BRINP3: variants seen among roughly 807,000 people sequenced by gnomAD.
BRINP3 encodes the protein BMP/retinoic acid-inducible neural-specific protein 3.
In BRINP3, 19 loss-of-function variants were observed where a neutral mutation model predicts 71.0. The observed-to-expected ratio is 0.27, with a 90% confidence interval of 0.19 to 0.39. BRINP3 has a LOEUF of 0.39. Among genes scored for constraint, BRINP3 ranks in the 10% least tolerant of loss-of-function variants. The pLI is 1.00. For missense variants in BRINP3, 959 were observed against 940.8 expected, an observed-to-expected ratio of 1.02 and a Z score of -0.25; for synonymous variants, 380 against 337.7, an observed-to-expected ratio of 1.13 and a Z score of -1.37.
chr1:190,413,713 G>A (rs773813727), intron 2 of BRINP3, among the ~76,000 whole-genome samples: 4 of 151,932 alleles, frequency 2.6e-5, no homozygotes, highest in African/African-American at 4.8e-5. Context: ...TGTGGCCTTC[G>A]GTACTGTGAC....
intron 7 of BRINP3, among the ~76,000 whole-genome samples, chr1:190,113,767 A>G (rs1441389466): frequency 6.6e-6 from 1 of 152,192 alleles, no homozygotes; most frequent in Admixed American, 6.5e-5. Context: ...TGACAGAACA[A>G]TGGCTGGATT....
intron 2 of BRINP3, among the ~76,000 whole-genome samples, chr1:190,443,532 A>T (rs1239554561): frequency 6.6e-6 from 1 of 152,226 alleles, no homozygotes; most frequent in Non-Finnish European, 1.5e-5. Flanking sequence ...TGGCAAACAA[A>T]ATGGACACTC....
At chr1:190,201,972 C>A (rs56213523) in intron 6 of BRINP3, among the ~76,000 whole-genome samples, 1 of 152,176 alleles carries the variant, frequency 6.6e-6, no homozygotes, top group Non-Finnish European at 1.5e-5. Flanking sequence ...AAAGTCCCTA[C>A]TGAGGCATCA....
intron 2 of BRINP3, among the ~76,000 whole-genome samples, chr1:190,353,949 C>T (rs1571839130): frequency 1.3e-5 from 2 of 151,902 alleles, no homozygotes; most frequent in African/African-American, 4.8e-5. Flanking sequence ...CAAATCTGAT[C>T]GTATACTTTC....
chr1:190,116,314 C>T (rs1015849819), intron 7 of BRINP3, among the ~76,000 whole-genome samples: 13 of 152,162 alleles, frequency 8.5e-5, no homozygotes, highest in Non-Finnish European at 1.3e-4. Flanking sequence ...TTAGAACTAA[C>T]GGCTCTAACA....
chr1:190,102,601 A>G (rs1056908333), intron 7 of BRINP3, among the ~76,000 whole-genome samples: 1 of 152,070 alleles, frequency 6.6e-6, no homozygotes, highest in African/African-American at 2.4e-5. Flanking sequence ...TCTAAATAAA[A>G]GAAGGAAAAA....
rs572913477 is a variant in BRINP3, at chr1:190,254,022, G to C, written c.618+10843C>G. Among the ~76,000 whole-genome samples the C allele has an allele frequency of 2.0e-5, 3 of 152,168 alleles. No individual in the cohort carries two copies. The South Asian group carries it at 6.2e-4, about 32-fold the overall frequency. Reference sequence around the variant, plus strand: ...TTCCCAGCACCATTTATTAAATATGGAATCCTTTCCCCATTTCTTGTTTTT... The same window carrying C: ...TTCCCAGCACCATTTATTAAATATGCAATCCTTTCCCCATTTCTTGTTTTT... On this transcript the variant is annotated intron_variant, in intron 4 of 7. Transcript: ENST00000367462.
chr1:190,453,080 G>A (rs1395613042), intron 2 of BRINP3, among the ~76,000 whole-genome samples: 1 of 151,410 alleles, frequency 6.6e-6, no homozygotes, highest in Non-Finnish European at 1.5e-5. Flanking sequence ...CCTAAAATCA[G>A]GTAGCTTCAC....
intron 3 of BRINP3, among the ~76,000 whole-genome samples, chr1:190,271,693 T>C (rs189885769): frequency 5.9e-5 from 9 of 151,670 alleles, no homozygotes; most frequent in Non-Finnish European, 1.2e-4. Context: ...TTGCTATCTA[T>C]GTTGATTTTC....
At chr1:190,259,328 T>C (rs1183077112) in intron 4 of BRINP3, among the ~76,000 whole-genome samples, 1 of 151,316 alleles carries the variant, frequency 6.6e-6, no homozygotes, top group East Asian at 1.9e-4. Context: ...ATGCAAAGTT[T>C]ATGCAACATC....
At chr1:190,380,052 T>G (rs1468594879) in intron 2 of BRINP3, among the ~76,000 whole-genome samples, 1 of 151,506 alleles carries the variant, frequency 6.6e-6, no homozygotes, top group African/African-American at 2.4e-5. Context: ...TATTTTTATT[T>G]AAGATACAGA....
chr1:190,097,872 G>T lies in BRINP3; in HGVS notation c.*146C>A. The T allele has an allele frequency of 1.2e-6, 1 of 857,044 alleles. No individual in the cohort carries two copies. Among genetic ancestry groups the T allele is most frequent in the Non-Finnish European group, 1.8e-6 (1 of 559,682 alleles). The allele number at this position is 857,044 out of a possible 1,614,324, so 53.1% of individuals were successfully genotyped here. ...ATATATTCATTGTCAGCAAGTTCAT[G>T]TGTGTAAATTGCCATCCAATGTTAT... On this transcript the variant is annotated 3_prime_UTR_variant, in exon 8 of 8. Coordinates refer to ENST00000367462, the MANE Select transcript of BRINP3 (RefSeq NM_199051.3).
At chr1:190,252,448 G>A (rs959720170) in intron 4 of BRINP3, among the ~76,000 whole-genome samples, 1 of 152,108 alleles carries the variant, frequency 6.6e-6, no homozygotes, top group East Asian at 1.9e-4. Context: ...CCACTACACT[G>A]AAGCAGAAGA....
intron 4 of BRINP3, among the ~76,000 whole-genome samples, chr1:190,258,849 T>G (rs1223488174): frequency 6.6e-6 from 1 of 152,136 alleles, no homozygotes; most frequent in African/African-American, 2.4e-5. Flanking sequence ...AAGATAAAGC[T>G]GAACAAGGGC....
chr1:190,397,225 T>C (rs1671638086), intron 2 of BRINP3, among the ~76,000 whole-genome samples: 1 of 152,028 alleles, frequency 6.6e-6, no homozygotes, highest in Non-Finnish European at 1.5e-5. Flanking sequence ...TGCATACCAT[T>C]TGCAAGCCAT....
intron 2 of BRINP3, among the ~76,000 whole-genome samples, chr1:190,424,567 T>G (rs1673580488): frequency 6.6e-6 from 1 of 151,606 alleles, no homozygotes; most frequent in Non-Finnish European, 1.5e-5. Context: ...CATCCCAACT[T>G]TGCCCCAGTA....
intron 2 of BRINP3, among the ~76,000 whole-genome samples, chr1:190,414,812 A>G (rs2102426960): frequency 6.6e-6 from 1 of 152,330 alleles, no homozygotes; most frequent in East Asian, 1.9e-4. Flanking sequence ...TCATGGAACT[A>G]ACAACTAAAG....
At chr1:190,354,404 C>T (rs1668596797) in intron 2 of BRINP3, among the ~76,000 whole-genome samples, 2 of 151,800 alleles carry the variant, frequency 1.3e-5, no homozygotes, top group Non-Finnish European at 2.9e-5. Context: ...GGGGTTGATA[C>T]ATCTTGTTTC....
chr1:190,213,837 A>G (rs1382054129), intron 6 of BRINP3, among the ~76,000 whole-genome samples: 1 of 152,070 alleles, frequency 6.6e-6, no homozygotes, highest in African/African-American at 2.4e-5. Flanking sequence ...GGGTGTGGCT[A>G]TTGGCATAAA....
Sources: allele counts gnomAD v4.1 joint callset (sites outside exome capture counted in the v4.1 genomes callset), GRCh38; gene constraint gnomAD v4.1.1; transcripts MANE v1.5; gene names NCBI Gene and HGNC (gene_info 2026-07-23, HGNC 2026-07-21).